PTPN4: variants seen among roughly 807,000 people sequenced by gnomAD.
PTPN4 encodes the protein tyrosine-protein phosphatase non-receptor type 4.
A neutral mutation model predicts 135.5 loss-of-function variants in PTPN4; 49 were observed. The ratio of observed to expected loss-of-function variants is 0.36; its 90% CI spans 0.29 to 0.46. The LOEUF (loss-of-function observed/expected upper bound fraction) is 0.46, where lower values mean the gene tolerates loss of function less well. PTPN4 is among the 20% of genes least tolerant of loss of function. The pLI is 1.00. For missense variants in PTPN4, 860 were observed against 1,101.0 expected (o/e 0.78, Z 3.10); for synonymous variants, 333 against 369.9 (o/e 0.90, Z 1.14).
Position 119,877,445 on chromosome 2 carries a change from C to A in PTPN4, c.290-19C>A, listed in dbSNP as rs1678000946. On this transcript the variant is annotated intron_variant, in intron 4 of 26. Transcript: ENST00000263708. ...ATTAATATAGTCTGATTAATTAGAA[C>A]TACTTTTATTAATTCTAGGAGGATC... 6.2e-7 allele frequency: 1 copy of A among 1,605,122 alleles called. No homozygotes were observed. Among genetic ancestry groups the A allele is most frequent in the East Asian group, 2.2e-5 (1 of 44,726 alleles).
chr2:119,776,615 A>G (rs1285334858), intron 1 of PTPN4, among the ~76,000 whole-genome samples: 1 of 152,132 alleles, frequency 6.6e-6, no homozygotes, highest in Non-Finnish European at 1.5e-5. Context: ...CCACCCAGAA[A>G]CAGCAACACC....
rs569945891 is a variant in PTPN4, at chr2:119,785,977, A to G, written c.-17-23860A>G. Among the ~76,000 whole-genome samples, 14 of 152,252 alleles carry G rather than the reference A, an allele frequency of 9.2e-5. No homozygotes were observed. The South Asian group carries it at 2.7e-3, about 29-fold the overall frequency. On this transcript the variant is annotated intron_variant, in intron 1 of 26. Coordinates refer to ENST00000263708, the MANE Select transcript of PTPN4 (RefSeq NM_002830.4). ...ATACCTTTACTCTCAAGCAGAGTTGATTTAGTGTAATGGATTGCAAAGTTT... is the reference window on the plus strand; with the variant it reads ...ATACCTTTACTCTCAAGCAGAGTTGGTTTAGTGTAATGGATTGCAAAGTTT...
chr2:119,928,895 G>C (rs1364485359), intron 13 of PTPN4, among the ~76,000 whole-genome samples: 2 of 152,030 alleles, frequency 1.3e-5, no homozygotes, highest in Non-Finnish European at 2.9e-5. Context: ...CATACAAATG[G>C]TTTCTTTATA....
chr2:119,787,319 ATACTGCTGAG>A (rs1691064324), intron 1 of PTPN4, among the ~76,000 whole-genome samples: 1 of 152,176 alleles, frequency 6.6e-6, no homozygotes, highest in South Asian at 2.1e-4. Context: ...TACTTTTTGA[ATACTGCTGAG>A]TACAGAGCTC....
intron 15 of PTPN4, among the ~76,000 whole-genome samples, chr2:119,942,799 G>A (rs1291742311): frequency 6.6e-6 from 1 of 152,104 alleles, no homozygotes; most frequent in Non-Finnish European, 1.5e-5. Flanking sequence ...CCGTGGTTGA[G>A]TTACATATCT....
At chr2:119,911,507 T>C (rs1209539929) in intron 10 of PTPN4, among the ~76,000 whole-genome samples, 1 of 152,160 alleles carries the variant, frequency 6.6e-6, no homozygotes, top group African/African-American at 2.4e-5. Flanking sequence ...ACTTTCTATT[T>C]TGATTAAGGG....
intron 24 of PTPN4, 74 bp from the exon 25 acceptor site, chr2:119,965,423 G>T (rs915020966): frequency 7.2e-7 from 1 of 1,389,620 alleles, no homozygotes; most frequent in Admixed American, 2.3e-5. Flanking sequence ...CTTTCCTGAT[G>T]AATTTTATGA....
chr2:119,774,100 T>C (rs1217012305), intron 1 of PTPN4, among the ~76,000 whole-genome samples: 1 of 152,216 alleles, frequency 6.6e-6, no homozygotes, highest in Non-Finnish European at 1.5e-5. Flanking sequence ...TCCAGTTAAT[T>C]GCCTGTCACA....
intron 2 of PTPN4, among the ~76,000 whole-genome samples, chr2:119,813,313 T>A (rs763385663): frequency 7.9e-5 from 12 of 151,608 alleles, no homozygotes; most frequent in Admixed American, 2.0e-4. Context: ...AATGGCACGA[T>A]CTCGGCTCAC....
chr2:119,882,596 A>G lies in PTPN4; in HGVS notation c.560A>G (p.Glu187Gly), dbSNP rs1281124947. 3.2e-6 allele frequency: 5 copies of G among 1,553,286 alleles called. No homozygotes were observed. The East Asian group carries it at 9.1e-5, about 28-fold the overall frequency. The change falls in exon 8 of 27, where the codon GAA (glutamate) becomes GGA (glycine). Residue 187 changes from glutamate (E) to glycine (G), a missense_variant. Coordinates refer to ENST00000263708, the MANE Select transcript of PTPN4 (RefSeq NM_002830.4). ...IPNQPQDFEK[E>G]IAKLHQQHIG... ...AATCAACCTCAAGATTTTGAAAAAG[A>G]AATTGCAAAATTACATCAGCAACAC...
intron 12 of PTPN4, among the ~76,000 whole-genome samples, chr2:119,925,479 C>T (rs1678810809): frequency 6.8e-6 from 1 of 146,018 alleles, no homozygotes; most frequent in African/African-American, 2.4e-5. Flanking sequence ...TTTTAATCAT[C>T]AAAGTGGTTA....
At position 119,967,873 on chromosome 2, in the gene PTPN4, G is replaced by T. The variant is rs753812360; in HGVS notation, c.2595G>T (p.Met865Ile). Residue 865 changes from methionine to isoleucine, a missense_variant, in exon 26 of 27, where the codon ATG (methionine) becomes ATT (isoleucine). Met to Ile is a conservative substitution (Grantham distance 10). Coordinates refer to ENST00000263708, the MANE Select transcript of PTPN4 (RefSeq NM_002830.4). ...GAAGAACTGGGGTTCTTATTACTAT[G>T]GAAACAGCCATGTGTCTCATTGAAT... ...GIGRTGVLITMETAMCLIECN... is the reference protein window; with the variant it reads ...GIGRTGVLITIETAMCLIECN... The T allele has an allele frequency of 8.7e-6, 14 of 1,610,390 alleles. No homozygotes were observed. In the East Asian group the frequency reaches 3.1e-4, roughly 36 times the overall value.
At chr2:119,851,193 G>A (rs1395679698) in intron 2 of PTPN4, among the ~76,000 whole-genome samples, 1 of 152,130 alleles carries the variant, frequency 6.6e-6, no homozygotes, top group Admixed American at 6.5e-5. Context: ...GGGGAGGTTT[G>A]CTTTGAAACT....
At chr2:119,834,508 A>G (rs906422994) in intron 2 of PTPN4, among the ~76,000 whole-genome samples, 7 of 151,890 alleles carry the variant, frequency 4.6e-5, no homozygotes, top group African/African-American at 7.3e-5. Context: ...AGTCTGCCAT[A>G]TTGCTGGAAA....
chr2:119,973,887 T>C (rs546263648), intron 26 of PTPN4, among the ~76,000 whole-genome samples: 76 of 152,152 alleles, frequency 5.0e-4, no homozygotes, highest in African/African-American at 1.8e-3. Context: ...CACCCTTGAG[T>C]AATCAATCCC....
At chr2:119,815,535 A>G (rs17049901) in intron 2 of PTPN4, among the ~76,000 whole-genome samples, 4,630 of 152,288 alleles carry the variant, frequency 0.03, 88 homozygotes, top group Middle Eastern at 0.082. Context: ...GCAAAACCCA[A>G]TTTGTTTACT....
chr2:119,839,893 T>C (rs922995407), intron 2 of PTPN4, among the ~76,000 whole-genome samples: 1 of 152,212 alleles, frequency 6.6e-6, no homozygotes, highest in Non-Finnish European at 1.5e-5. Context: ...AATTATGCCT[T>C]AGATTTGTGA....
chr2:119,785,340 C>T (rs1435722789), intron 1 of PTPN4, among the ~76,000 whole-genome samples: 1 of 152,080 alleles, frequency 6.6e-6, no homozygotes, highest in African/African-American at 2.4e-5. Context: ...TCCCAAAAAT[C>T]TGTATTTTTT....
intron 1 of PTPN4, among the ~76,000 whole-genome samples, chr2:119,770,783 C>A (rs1191328728): frequency 1.3e-5 from 2 of 152,142 alleles, no homozygotes; most frequent in Non-Finnish European, 2.9e-5. Flanking sequence ...ACTTGTGTAA[C>A]CCATTTCCTT....
Sources: allele counts gnomAD v4.1 joint callset (sites outside exome capture counted in the v4.1 genomes callset), GRCh38; gene constraint gnomAD v4.1.1; transcripts MANE v1.5; gene names NCBI Gene and HGNC (gene_info 2026-07-23, HGNC 2026-07-21).